Variants in SUSD4 observed in about 807,000 individuals in gnomAD.
SUSD4 encodes sushi domain containing 4.
In SUSD4, 41 loss-of-function variants were observed where a neutral mutation model predicts 50.5. That is an observed-to-expected ratio of 0.81 (90% CI 0.63 to 1.05). SUSD4 has a LOEUF of 1.05. SUSD4 is among the 50% of genes least tolerant of loss of function. The pLI, the probability that SUSD4 is intolerant of heterozygous loss-of-function variation, is 0.00. For missense variants in SUSD4, 580 were observed against 634.7 expected, an observed-to-expected ratio of 0.91 and a Z score of 0.93; for synonymous variants, 257 against 257.3, an observed-to-expected ratio of 1.00 and a Z score of 0.01.
chr1:223,224,303 C>T (rs1251207223), intron 7 of SUSD4, among the ~76,000 whole-genome samples: 1 of 152,180 alleles, frequency 6.6e-6, no homozygotes, highest in Non-Finnish European at 1.5e-5. Flanking sequence ...CACCACTGCA[C>T]TCCAGCCTGG....
intron 3 of SUSD4, among the ~76,000 whole-genome samples, chr1:223,283,217 C>G (rs1369811167): frequency 1.3e-5 from 2 of 152,150 alleles, no homozygotes; most frequent in Non-Finnish European, 2.9e-5. Context: ...TAACAACAGT[C>G]AAAATTGACA....
chr1:223,249,844 A>G (rs1249114306), intron 5 of SUSD4, among the ~76,000 whole-genome samples: 1 of 152,254 alleles, frequency 6.6e-6, no homozygotes, highest in Non-Finnish European at 1.5e-5. Context: ...AATTTAAGAA[A>G]CACTGGCTTA....
chr1:223,280,678 C>T (rs533041804), intron 3 of SUSD4, among the ~76,000 whole-genome samples: 23 of 152,066 alleles, frequency 1.5e-4, no homozygotes, highest in African/African-American at 9.7e-5. Flanking sequence ...CACAGACCAA[C>T]GAGACAGAAA....
intron 2 of SUSD4, among the ~76,000 whole-genome samples, chr1:223,351,418 A>T (rs1252007903): frequency 6.6e-6 from 1 of 152,196 alleles, no homozygotes; most frequent in Non-Finnish European, 1.5e-5. Context: ...GGAGAGCAAA[A>T]GGCTCCATGC....
At chr1:223,323,093 CA>C (rs1235038129) in intron 2 of SUSD4, among the ~76,000 whole-genome samples, 1 of 151,946 alleles carries the variant, frequency 6.6e-6, no homozygotes, top group East Asian at 1.9e-4. Context: ...TGCTGAAGAG[CA>C]GTGCTGGGGA....
At chr1:223,298,955 G>A (rs553422656) in intron 2 of SUSD4, among the ~76,000 whole-genome samples, 30 of 152,252 alleles carry the variant, frequency 2.0e-4, no homozygotes, top group African/African-American at 6.5e-4. Context: ...TCCAGCCGTC[G>A]GCACAGAACA....
At chr1:223,267,449 C>T (rs1157207411) in intron 4 of SUSD4, among the ~76,000 whole-genome samples, 1 of 152,166 alleles carries the variant, frequency 6.6e-6, no homozygotes, top group Non-Finnish European at 1.5e-5. Flanking sequence ...AGCAGCCCAA[C>T]TTAACAGCCA....
At chr1:223,363,997 C>G (rs1051566158) in intron 1 of SUSD4, 60 bp downstream of exon 1, 2 of 152,934 alleles carry the variant, frequency 1.3e-5, no homozygotes, top group Admixed American at 6.5e-5. Context: ...CCAACTCCCC[C>G]TCCCCGGCCT....
intron 5 of SUSD4, chr1:223,234,950 A>AT: frequency 1.3e-6 from 2 of 1,578,628 alleles, no homozygotes; most frequent in Non-Finnish European, 1.7e-6. Flanking sequence ...GGAGAACAAC[A>AT]TTTAGAACAG....
At chr1:223,281,166 C>A (rs544866061) in intron 3 of SUSD4, among the ~76,000 whole-genome samples, 1 of 152,212 alleles carries the variant, frequency 6.6e-6, no homozygotes, top group South Asian at 2.1e-4. Context: ...CCTAACATCA[C>A]AATTAAAAGA....
At chr1:223,246,298 A>C (rs1185185332) in intron 5 of SUSD4, among the ~76,000 whole-genome samples, 5 of 152,170 alleles carry the variant, frequency 3.3e-5, no homozygotes, top group African/African-American at 1.2e-4. Context: ...GATTTGGCCA[A>C]ATGGGAGTCA....
At chr1:223,359,163 T>C (rs993561738) in intron 2 of SUSD4, 4 of 470,946 alleles carry the variant, frequency 8.5e-6, no homozygotes, top group Admixed American at 2.3e-5. Flanking sequence ...TCAGATGATA[T>C]TTTGCTCCTG....
At chr1:223,255,653 C>A (rs1266990253) in intron 5 of SUSD4, among the ~76,000 whole-genome samples, 2 of 152,146 alleles carry the variant, frequency 1.3e-5, no homozygotes, top group Non-Finnish European at 2.9e-5. Flanking sequence ...CTTGTATTAG[C>A]TAGAGGAGGC....
intron 3 of SUSD4, among the ~76,000 whole-genome samples, chr1:223,270,974 C>T (rs918020046): frequency 2.0e-5 from 3 of 152,038 alleles, no homozygotes; most frequent in Non-Finnish European, 4.4e-5. Context: ...GTCACAAGAT[C>T]ATTGACAATT....
intron 3 of SUSD4, among the ~76,000 whole-genome samples, chr1:223,268,877 A>G (rs1662713480): frequency 6.6e-6 from 1 of 152,210 alleles, no homozygotes; most frequent in South Asian, 2.1e-4. Context: ...AGGTGGCTCA[A>G]AAAGAGGGAC....
At chr1:223,307,579 A>G (rs1665618518) in intron 2 of SUSD4, among the ~76,000 whole-genome samples, 1 of 152,208 alleles carries the variant, frequency 6.6e-6, no homozygotes, top group South Asian at 2.1e-4. Context: ...TTCAATCTCT[A>G]TGCAGATTCT....
intron 2 of SUSD4, among the ~76,000 whole-genome samples, chr1:223,306,094 G>A (rs565055562): frequency 6.6e-6 from 1 of 152,262 alleles, no homozygotes; most frequent in East Asian, 1.9e-4. Flanking sequence ...CCACAGATGT[G>A]GAAGTCATTG....
chr1:223,297,819 G>A (rs1664927900), intron 2 of SUSD4, among the ~76,000 whole-genome samples: 1 of 152,172 alleles, frequency 6.6e-6, no homozygotes, highest in Non-Finnish European at 1.5e-5. Context: ...CTGGCATGGT[G>A]TGTGGTATAA....
chr1:223,347,044 T>C (rs1668071955), intron 2 of SUSD4, among the ~76,000 whole-genome samples: 1 of 152,200 alleles, frequency 6.6e-6, no homozygotes, highest in Admixed American at 6.5e-5. Context: ...TGTGTGAATG[T>C]TATTTTTCTT....
Sources: allele counts gnomAD v4.1 joint callset (sites outside exome capture counted in the v4.1 genomes callset), GRCh38; gene constraint gnomAD v4.1.1; transcripts MANE v1.5; gene names NCBI Gene and HGNC (gene_info 2026-07-23, HGNC 2026-07-21).